The following LPA variants were observed in gnomAD, a reference collection of about 807,000 sequenced individuals.
The protein encoded by LPA is apolipoprotein(a).
LPA carries 199 observed loss-of-function variants against 197.9 expected under a neutral mutation model. That is an observed-to-expected ratio of 1.01 (90% CI 0.90 to 1.13). LPA has a LOEUF of 1.13. Ranked by LOEUF, LPA falls within the 50% of genes most tolerant of loss-of-function variation. LPA has a pLI of 0.00. For synonymous variants in LPA, 715 were observed against 639.5 expected (o/e 1.12, Z -1.78); for missense variants, 1,853 against 1,785.8 (o/e 1.04, Z -0.68).
intron 18 of LPA, among the ~76,000 whole-genome samples, chr6:160,603,426 A>G (rs532038286): frequency 1.1e-4 from 16 of 152,278 alleles, no homozygotes; most frequent in Non-Finnish European, 1.9e-4. Context: ...TTTTTCATTT[A>G]AGACATACCT....
intron 37 of LPA, among the ~76,000 whole-genome samples, chr6:160,533,589 A>G (rs898240149): frequency 1.3e-5 from 2 of 152,208 alleles, no homozygotes; most frequent in South Asian, 2.1e-4. Flanking sequence ...CTCAGTTCCC[A>G]TAATTATATA....
At chr6:160,615,217 T>C (rs1779570732) in intron 14 of LPA, among the ~76,000 whole-genome samples, 1 of 115,014 alleles carries the variant, frequency 8.7e-6, no homozygotes, top group Admixed American at 7.9e-5. Context: ...ATGCAGGAAA[T>C]CTTTTCATAT....
intron 16 of LPA, among the ~76,000 whole-genome samples, chr6:160,607,193 C>A (rs367871487): frequency 6.6e-6 from 1 of 152,032 alleles, no homozygotes; most frequent in Non-Finnish European, 1.5e-5. Context: ...CAAAACCTCG[C>A]GAAAAGGCTC....
At chr6:160,586,894 G>A (rs181067290) in intron 24 of LPA, among the ~76,000 whole-genome samples, 1 of 152,276 alleles carries the variant, frequency 6.6e-6, no homozygotes, top group East Asian at 1.9e-4. Flanking sequence ...GTACCAGAAA[G>A]GATCAGAATA....
At chr6:160,542,844 G>A (rs377590884) in intron 33 of LPA, 36 bp from the exon 34 acceptor site, 8 of 1,613,148 alleles carry the variant, frequency 5.0e-6, no homozygotes, top group Non-Finnish European at 6.8e-6. Context: ...TCGCATTTGA[G>A]TCCAAGTTAG....
Position 160,606,524 on chromosome 6 carries a change from G to A in LPA, c.2738C>T (p.Pro913Leu). Reference sequence around the variant, plus strand: ...GCTTGGAATCGGGGTAATAGTTGGAGGCGCGACGGCAGTCCCTTCTGCGTC... The same window carrying A: ...GCTTGGAATCGGGGTAATAGTTGGAAGCGCGACGGCAGTCCCTTCTGCGTC... ...CSDAEGTAVA[P>L]PTITPIPSLE... The change falls in exon 17 of 39, where the codon CCT becomes CTT. Residue 913 changes from proline to leucine, a missense_variant. Around this residue, in one of 3 missense-constraint regions of LPA, gnomAD observed 1,737 missense variants for 1,504.4 expected, o/e 1.15. Transcript: ENST00000316300. 4.3e-6 allele frequency: 7 copies of A among 1,613,620 alleles called. No homozygotes were observed. Among genetic ancestry groups the A allele is most frequent in the Non-Finnish European group, 5.9e-6 (7 of 1,179,934 alleles).
intron 30 of LPA, among the ~76,000 whole-genome samples, chr6:160,554,677 C>G (rs533115335): frequency 7.2e-5 from 11 of 152,218 alleles, no homozygotes; most frequent in African/African-American, 2.6e-4. Flanking sequence ...TGAATTTGTC[C>G]TTTCCCCAGT....
chr6:160,596,397 T>TC (rs1169475934), intron 20 of LPA, among the ~76,000 whole-genome samples: 1 of 152,116 alleles, frequency 6.6e-6, no homozygotes, highest in African/African-American at 2.4e-5. Flanking sequence ...TATTTGCTTT[T>TC]TTTTTTTTTC....
intron 16 of LPA, among the ~76,000 whole-genome samples, chr6:160,610,890 T>C (rs1026471692): frequency 1.3e-5 from 2 of 152,138 alleles, no homozygotes; most frequent in East Asian, 3.9e-4. Context: ...TAGAAACCAT[T>C]TTTCCATGTC....
chr6:160,646,928 C>G (rs978400207), intron 2 of LPA, among the ~76,000 whole-genome samples: 13 of 151,874 alleles, frequency 8.6e-5, no homozygotes, highest in Non-Finnish European at 1.9e-4. Flanking sequence ...TCCATGTACT[C>G]AAAACCTAGT....
chr6:160,610,678 A>G (rs1344402259), intron 16 of LPA, among the ~76,000 whole-genome samples: 2 of 152,088 alleles, frequency 1.3e-5, no homozygotes, highest in East Asian at 3.9e-4. Context: ...TTTGTAGCGG[A>G]CCTAGAAAAT....
intron 28 of LPA, among the ~76,000 whole-genome samples, chr6:160,566,192 T>A (rs946204343): frequency 5.3e-5 from 8 of 152,054 alleles, no homozygotes; most frequent in African/African-American, 1.9e-4. Context: ...GCCACAAAAA[T>A]ACTCCTCGAG....
intron 18 of LPA, among the ~76,000 whole-genome samples, chr6:160,603,077 G>C (rs1779276070): frequency 7.9e-6 from 1 of 127,262 alleles, no homozygotes; most frequent in African/African-American, 3.0e-5. Flanking sequence ...CTTCTTATTT[G>C]AAAAGTTTTT....
rs1780072219 is a variant in LPA at position 160,654,026 on chromosome 6, TAA to T, written c.50-3531_50-3530del. ...TATAATATATATTATATATAATATA[TAA>T]TATATATTATATATAATATATAATA... is the stretch of plus-strand genomic sequence containing the variant. On this transcript the variant is annotated intron_variant, in intron 1 of 38. Coordinates refer to ENST00000316300, the MANE Select transcript of LPA (RefSeq NM_005577.4). 8.3e-4 allele frequency among the ~76,000 whole-genome samples: 7 copies of T among 8,400 alleles called. 1 individual carries two copies. Among genetic ancestry groups the T allele is most frequent in the Non-Finnish European group, 1.3e-3 (6 of 4,748 alleles). The allele number at this position is 8,400 out of a possible 152,430, so 5.5% of individuals were successfully genotyped here.
In LPA at chr6:160,577,211, GT is replaced by G; in HGVS notation, c.4555del (p.Thr1519GlnfsTer11). ...SYRGISSTTV[T>X]GRTCQSWSSM... is the part of the protein sequence containing the mutation. ...TGACCAAGATTGACAGGTCCTTCCT[GT>G]GACAGTGGTGGAGGATATGCCTCGA... On this transcript the variant is annotated frameshift_variant, in exon 28 of 39. Coordinates refer to ENST00000316300, the MANE Select transcript of LPA (RefSeq NM_005577.4). LOFTEE classifies it high-confidence loss of function. The G allele has an allele frequency of 6.2e-7, 1 of 1,613,892 alleles. No homozygotes were observed. Among genetic ancestry groups the G allele is most frequent in the Non-Finnish European group, 8.5e-7 (1 of 1,179,844 alleles).
chr6:160,540,539 T>A (rs1487980820), intron 35 of LPA, among the ~76,000 whole-genome samples: 1 of 152,202 alleles, frequency 6.6e-6, no homozygotes, highest in African/African-American at 2.4e-5. Flanking sequence ...CTCTCACTCT[T>A]AGTTCTTGCA....
chr6:160,610,522 G>C (rs1334731228), intron 16 of LPA, among the ~76,000 whole-genome samples: 1 of 152,128 alleles, frequency 6.6e-6, no homozygotes, highest in African/African-American at 2.4e-5. Flanking sequence ...CTGTTCTCTT[G>C]TAGTTGCTGT....
chr6:160,569,296 GGA>G (rs1562325108), intron 28 of LPA, among the ~76,000 whole-genome samples: 4 of 152,002 alleles, frequency 2.6e-5, no homozygotes, highest in Non-Finnish European at 2.9e-5. Flanking sequence ...ATAGACCAAT[GGA>G]ACAGAACAGA....
intron 28 of LPA, among the ~76,000 whole-genome samples, chr6:160,560,327 A>T (rs1423652492): frequency 6.6e-6 from 1 of 152,172 alleles, no homozygotes; most frequent in East Asian, 1.9e-4. Flanking sequence ...GCTGGGTCAA[A>T]TGGTACTTCT....
Sources: allele counts gnomAD v4.1 joint callset (sites outside exome capture counted in the v4.1 genomes callset), GRCh38; gene constraint gnomAD v4.1.1; regional missense constraint gnomAD v4.1.1; transcripts MANE v1.5; gene names NCBI Gene and HGNC (gene_info 2026-07-23, HGNC 2026-07-21).